CLDN10: variants seen among roughly 807,000 people sequenced by gnomAD.
CLDN10 encodes claudin-10.
In CLDN10, 15 loss-of-function variants were observed where a neutral mutation model predicts 22.9. That is an observed-to-expected ratio of 0.65 (90% CI 0.44 to 1.01). The LOEUF is 1.01. CLDN10 is among the 50% of genes least tolerant of loss of function. The probability of loss-of-function intolerance (pLI) is 0.00; values close to 1 mark genes in which losing one functional copy is unlikely to be tolerated. For missense variants in CLDN10, 247 were observed against 287.8 expected, an observed-to-expected ratio of 0.86 and a Z score of 1.03; for synonymous variants, 114 against 111.4, an observed-to-expected ratio of 1.02 and a Z score of -0.15.
chr13:95,455,102 A>G (rs1278429843), intron 1 of CLDN10, among the ~76,000 whole-genome samples: 1 of 151,710 alleles, frequency 6.6e-6, no homozygotes, highest in Non-Finnish European at 1.5e-5. Flanking sequence ...GCTTAAGCCC[A>G]GGGGTTAGAG....
At chr13:95,521,788 T>G (rs769614276) in intron 1 of CLDN10, among the ~76,000 whole-genome samples, 4 of 152,092 alleles carry the variant, frequency 2.6e-5, no homozygotes, top group Non-Finnish European at 4.4e-5. Context: ...ACCTAGAGGT[T>G]TTGTTTTTTG....
chr13:95,490,448 G>C (rs1447432830), intron 1 of CLDN10, among the ~76,000 whole-genome samples: 2 of 152,002 alleles, frequency 1.3e-5, no homozygotes, highest in Non-Finnish European at 2.9e-5. Flanking sequence ...GTATCCCAGG[G>C]GTTTTGATAG....
At chr13:95,533,214 C>CAAAA (rs5805939) in intron 1 of CLDN10, among the ~76,000 whole-genome samples, 1 of 124,666 alleles carries the variant, frequency 8.0e-6, no homozygotes, top group Non-Finnish European at 1.7e-5. Flanking sequence ...TTAAATATTC[C>CAAAA]AAAAAAAAAA....
intron 1 of CLDN10, among the ~76,000 whole-genome samples, chr13:95,491,450 A>T (rs1017830670): frequency 3.3e-5 from 5 of 151,786 alleles, no homozygotes; most frequent in African/African-American, 7.3e-5. Context: ...GTTCAATTCT[A>T]TTGCTGAGAC....
chr13:95,500,585 G>T (rs2042974609), intron 1 of CLDN10, among the ~76,000 whole-genome samples: 1 of 152,152 alleles, frequency 6.6e-6, no homozygotes, highest in South Asian at 2.1e-4. Context: ...AGGAAGGTAA[G>T]GGAGGAGGTC....
chr13:95,527,933 C>T (rs2043302018), intron 1 of CLDN10, among the ~76,000 whole-genome samples: 1 of 152,122 alleles, frequency 6.6e-6, no homozygotes, highest in Non-Finnish European at 1.5e-5. Flanking sequence ...TGGATGTATG[C>T]TGAACCATTG....
chr13:95,507,616 CA>C (rs555349763), intron 1 of CLDN10, among the ~76,000 whole-genome samples: 6,412 of 146,370 alleles, frequency 0.044, 224 homozygotes, highest in Middle Eastern at 0.099. Context: ...GTGACACCTG[CA>C]AAAAAAAAAA....
chr13:95,542,823 A>C (rs2043472753), intron 1 of CLDN10, among the ~76,000 whole-genome samples: 1 of 152,154 alleles, frequency 6.6e-6, no homozygotes, highest in African/African-American at 2.4e-5. Flanking sequence ...TAGGAATAAT[A>C]ATAACAATAA....
intron 1 of CLDN10, among the ~76,000 whole-genome samples, chr13:95,545,374 T>A (rs1459933438): frequency 6.6e-6 from 1 of 151,724 alleles, no homozygotes; most frequent in Non-Finnish European, 1.5e-5. Flanking sequence ...AGAAACCCTG[T>A]CTCCACTAAA....
intron 1 of CLDN10, among the ~76,000 whole-genome samples, chr13:95,491,997 A>G (rs1318346333): frequency 1.3e-5 from 2 of 152,188 alleles, no homozygotes; most frequent in Non-Finnish European, 2.9e-5. Context: ...GGTTGTCTGC[A>G]CAGAGTCCTG....
chr13:95,532,792 CAAAAAAAAAAAAA>C (rs57500288), intron 1 of CLDN10, among the ~76,000 whole-genome samples: 3 of 62,022 alleles, frequency 4.8e-5, no homozygotes, highest in Non-Finnish European at 8.3e-5. Context: ...CTCAATTCAG[CAAAAAAAAAAAAA>C]AAAAAAAAAG....
intron 1 of CLDN10, chr13:95,479,568 TTAACA>T (rs1461591213): frequency 9.9e-5 from 15 of 152,228 alleles, no homozygotes; most frequent in Non-Finnish European, 1.8e-4. Flanking sequence ...AGTCACAGAC[TTAACA>T]TTATAGTCAT....
intron 1 of CLDN10, among the ~76,000 whole-genome samples, chr13:95,453,524 A>G (rs896055252): frequency 1.8e-4 from 27 of 152,020 alleles, no homozygotes; most frequent in African/African-American, 6.3e-4. Context: ...CTCTACTAAA[A>G]ATACAAAAAC....
At chr13:95,577,172 A>T in intron 3 of CLDN10, 59 bp from the exon 4 acceptor site, 1 of 1,157,944 alleles carries the variant, frequency 8.6e-7, no homozygotes, top group Non-Finnish European at 1.3e-6. Flanking sequence ...TATCAGTGTT[A>T]AATACTGTTT....
chr13:95,515,584 G>C (rs2043155607), intron 1 of CLDN10, among the ~76,000 whole-genome samples: 1 of 152,086 alleles, frequency 6.6e-6, no homozygotes, highest in Non-Finnish European at 1.5e-5. Context: ...TCTGAGTCAG[G>C]GGCCCTAACC....
chr13:95,446,497 T>C (rs2042380275), intron 1 of CLDN10, among the ~76,000 whole-genome samples: 1 of 152,232 alleles, frequency 6.6e-6, no homozygotes. Context: ...ATGTTATATA[T>C]GTTATGTTAA....
intron 1 of CLDN10, among the ~76,000 whole-genome samples, chr13:95,445,028 A>G (rs7320262): frequency 0.49 from 75,062 of 152,034 alleles, 18,754 homozygotes; most frequent in Middle Eastern, 0.56. Context: ...CACCTGCCTC[A>G]GCCTCCCAAA....
chr13:95,448,534 ACCCCC>A (rs768765011), intron 1 of CLDN10, among the ~76,000 whole-genome samples: 1 of 151,744 alleles, frequency 6.6e-6, no homozygotes, highest in Non-Finnish European at 1.5e-5. Flanking sequence ...GAGGAATGTG[ACCCCC>A]CTGGACAGAA....
At chr13:95,573,826 T>A (rs2043891292) in intron 3 of CLDN10, among the ~76,000 whole-genome samples, 1 of 151,958 alleles carries the variant, frequency 6.6e-6, no homozygotes, top group African/African-American at 2.4e-5. Context: ...GCTGTACCCA[T>A]CAACTCGTCA....
Sources: allele counts gnomAD v4.1 joint callset (sites outside exome capture counted in the v4.1 genomes callset), GRCh38; gene constraint gnomAD v4.1.1; transcripts MANE v1.5; gene names NCBI Gene and HGNC (gene_info 2026-07-23, HGNC 2026-07-21).